Variants in EDIL3 observed in about 807,000 individuals in gnomAD.
EDIL3 encodes the protein EGF like and discoidin domains 3.
Under a neutral mutation model 67.4 loss-of-function variants are expected in EDIL3, and 37 were observed. The ratio of observed to expected loss-of-function variants is 0.55; its 90% CI spans 0.42 to 0.72. The LOEUF is 0.72. Among genes scored for constraint, EDIL3 ranks in the 30% least tolerant of loss-of-function variants. EDIL3 has a pLI of 0.00. For missense variants in EDIL3, 527 were observed against 586.3 expected (o/e 0.90, Z 1.04); for synonymous variants, 195 against 196.3 (o/e 0.99, Z 0.05).
intron 9 of EDIL3, among the ~76,000 whole-genome samples, chr5:83,991,216 C>A (rs530079630): frequency 6.6e-6 from 1 of 152,234 alleles, no homozygotes; most frequent in South Asian, 2.1e-4. Context: ...CATCAACTGG[C>A]CCGTTCCCAC....
At chr5:83,964,271 TG>T (rs1389306147) in intron 9 of EDIL3, among the ~76,000 whole-genome samples, 1 of 151,994 alleles carries the variant, frequency 6.6e-6, no homozygotes, top group Non-Finnish European at 1.5e-5. Flanking sequence ...TAGAATACTT[TG>T]TTTTTTATGC....
Position 83,999,772 on chromosome 5 carries a change from T to A in EDIL3, c.1138-36412A>T, listed in dbSNP as rs563736697. ...AACTTTCCAAACCTAGAGAATGATA[T>A]CAATAACCAAGTATATGAAGGTTAT... On this transcript the variant is annotated intron_variant, in intron 9 of 10. Transcript: ENST00000296591. Among the ~76,000 whole-genome samples, 50 of 152,224 alleles carry A rather than the reference T, an allele frequency of 3.3e-4. No individual in the cohort carries two copies. The South Asian group carries it at 0.01, about 31-fold the overall frequency.
chr5:84,343,656 T>A (rs1747172601), intron 1 of EDIL3, among the ~76,000 whole-genome samples: 1 of 152,098 alleles, frequency 6.6e-6, no homozygotes, highest in Non-Finnish European at 1.5e-5. Flanking sequence ...GTATACTTCT[T>A]ATATACTCGA....
chr5:84,090,925 C>T lies in EDIL3; in HGVS notation c.651+15724G>A, dbSNP rs542639181. 6.0e-5 allele frequency among the ~76,000 whole-genome samples: 9 copies of T among 149,224 alleles called. No individual in the cohort carries two copies. In the South Asian group the frequency reaches 6.4e-4, roughly 11 times the overall value. On this transcript the variant is annotated intron_variant, in intron 6 of 10. Coordinates refer to ENST00000296591, the MANE Select transcript of EDIL3 (RefSeq NM_005711.5). ...ATTGCACCACTGCACTCCAGGTTGG[C>T]GACAGAGCCAGACTCTGTCTCAAAA...
chr5:84,053,914 T>C (rs995940730), intron 9 of EDIL3, among the ~76,000 whole-genome samples: 5 of 152,132 alleles, frequency 3.3e-5, no homozygotes, highest in African/African-American at 1.2e-4. Flanking sequence ...TCTGAAACTA[T>C]TCCAATCAAT....
At chr5:84,045,114 A>AC (rs1415854634) in intron 9 of EDIL3, among the ~76,000 whole-genome samples, 1 of 151,826 alleles carries the variant, frequency 6.6e-6, no homozygotes, top group Non-Finnish European at 1.5e-5. Context: ...AAAGAGGAAA[A>AC]CCCTTATAAA....
chr5:84,118,575 T>C (rs920028757), intron 5 of EDIL3, among the ~76,000 whole-genome samples: 6 of 152,164 alleles, frequency 3.9e-5, no homozygotes, highest in Admixed American at 1.3e-4. Context: ...TGGTTAAGGA[T>C]ATGAAGGCAA....
At chr5:83,948,349 T>A (rs1300677997) in intron 10 of EDIL3, among the ~76,000 whole-genome samples, 1 of 151,670 alleles carries the variant, frequency 6.6e-6, no homozygotes, top group Non-Finnish European at 1.5e-5. Flanking sequence ...ATTACTTCAA[T>A]TTTTTTGACT....
intron 6 of EDIL3, among the ~76,000 whole-genome samples, chr5:84,073,303 C>G (rs572391444): frequency 2.6e-5 from 4 of 152,168 alleles, no homozygotes; most frequent in Non-Finnish European, 1.5e-5. Flanking sequence ...AGGATGCCCT[C>G]TCTCACCACT....
At chr5:84,266,127 TG>T (rs1745340693) in intron 1 of EDIL3, among the ~76,000 whole-genome samples, 1 of 152,208 alleles carries the variant, frequency 6.6e-6, no homozygotes, top group South Asian at 2.1e-4. Context: ...AAATGTGACT[TG>T]CTGAAAAGAA....
At chr5:84,303,834 G>T (rs866462849) in intron 1 of EDIL3, among the ~76,000 whole-genome samples, 10 of 131,530 alleles carry the variant, frequency 7.6e-5, no homozygotes, top group Non-Finnish European at 1.2e-4. Context: ...GTGTGTGTGT[G>T]TGTGTGTGTG....
At chr5:83,945,981 T>A (rs1053498146) in intron 10 of EDIL3, among the ~76,000 whole-genome samples, 1 of 151,974 alleles carries the variant, frequency 6.6e-6, no homozygotes, top group African/African-American at 2.4e-5. Flanking sequence ...TGTGTAAACA[T>A]GTGGCACATG....
At chr5:84,148,913 A>G in intron 4 of EDIL3, among the ~76,000 whole-genome samples, 1 of 151,480 alleles carries the variant, frequency 6.6e-6, no homozygotes, top group South Asian at 2.1e-4. Context: ...GCCTAGACAT[A>G]GTAAAAGGGA....
intron 1 of EDIL3, among the ~76,000 whole-genome samples, chr5:84,291,652 C>A (rs915984644): frequency 1.4e-4 from 20 of 142,784 alleles, no homozygotes; most frequent in East Asian, 2.0e-4. Flanking sequence ...CTATCTATAT[C>A]TATATATCTA....
At chr5:83,949,320 GA>G (rs1323852148) in intron 10 of EDIL3, among the ~76,000 whole-genome samples, 4 of 151,732 alleles carry the variant, frequency 2.6e-5, no homozygotes, top group African/African-American at 9.7e-5. Flanking sequence ...ATCAGCAGGT[GA>G]AAGTCAAATG....
At chr5:84,094,511 A>C (rs1393817342) in intron 6 of EDIL3, among the ~76,000 whole-genome samples, 3 of 151,722 alleles carry the variant, frequency 2.0e-5, no homozygotes, top group Non-Finnish European at 4.4e-5. Context: ...AAAGGCTGAA[A>C]ATGAAAAAAA....
chr5:84,064,008 T>G (rs1007759613), intron 8 of EDIL3, among the ~76,000 whole-genome samples: 1 of 152,142 alleles, frequency 6.6e-6, no homozygotes, highest in Admixed American at 6.6e-5. Context: ...CACTGTAAGA[T>G]TCACACATTA....
intron 1 of EDIL3, among the ~76,000 whole-genome samples, chr5:84,300,832 T>C (rs902072846): frequency 6.6e-6 from 1 of 152,158 alleles, no homozygotes; most frequent in Non-Finnish European, 1.5e-5. Flanking sequence ...AATTCTTAGA[T>C]TGCAATATTT....
intron 9 of EDIL3, among the ~76,000 whole-genome samples, chr5:84,015,431 T>C (rs1745585994): frequency 6.6e-6 from 1 of 152,312 alleles, no homozygotes; most frequent in African/African-American, 2.4e-5. Flanking sequence ...TAAGTTTATT[T>C]GCTAGACATT....
Sources: allele counts gnomAD v4.1 joint callset (sites outside exome capture counted in the v4.1 genomes callset), GRCh38; gene constraint gnomAD v4.1.1; transcripts MANE v1.5; gene names NCBI Gene and HGNC (gene_info 2026-07-23, HGNC 2026-07-21).